MVP: variants seen among roughly 807,000 people sequenced by gnomAD.
The protein encoded by MVP is major vault protein, also known as lung resistance-related protein.
A neutral mutation model predicts 83.5 loss-of-function variants in MVP; 62 were observed. The observed-to-expected ratio is 0.74, with a 90% CI of 0.61 to 0.92. The LOEUF is 0.92. MVP is among the 40% of genes least tolerant of loss of function. The pLI, the probability that MVP is intolerant of heterozygous loss-of-function variation, is 0.00. For synonymous variants in MVP, 505 were observed against 504.1 expected (o/e 1.00, Z -0.02); for missense variants, 1,000 against 1,203.4 (o/e 0.83, Z 2.50).
At chr16:29,847,506 C>T (rs1002116732) in intron 14 of MVP, 121 bp downstream of exon 14, 3 of 1,025,984 alleles carry the variant, frequency 2.9e-6, no homozygotes, top group African/African-American at 1.6e-5. Context: ...GTGACCTGAC[C>T]CACGATGCAG....
intron 1 of MVP, among the ~76,000 whole-genome samples, chr16:29,822,093 T>G (rs8061634): frequency 0.17 from 26,160 of 151,232 alleles, 2,362 homozygotes; most frequent in African/African-American, 0.24. Flanking sequence ...TTTTGTTTTT[T>G]TTTTTTTTTT....
chr16:29,833,606 G>A (rs1325700755), intron 3 of MVP, 127 bp from the exon 4 acceptor site: 116 of 1,308,262 alleles, frequency 8.9e-5, no homozygotes, highest in South Asian at 8.5e-4. Flanking sequence ...CACTGTGCCC[G>A]GCCTCCACCC....
chr16:29,827,600 A>G (rs905598953), intron 1 of MVP, among the ~76,000 whole-genome samples: 3 of 152,144 alleles, frequency 2.0e-5, no homozygotes, highest in East Asian at 3.9e-4. Flanking sequence ...TATGGGATCA[A>G]CCAGCCATAT....
chr16:29,832,402 A>G (rs976461077), intron 3 of MVP, among the ~76,000 whole-genome samples: 47 of 148,530 alleles, frequency 3.2e-4, no homozygotes, highest in African/African-American at 1.2e-3. Context: ...GGTTCACGCA[A>G]TTCTCCTGCC....
At chr16:29,847,452 G>A (rs752426701) in intron 14 of MVP, 67 bp downstream of exon 14, 66 of 1,428,074 alleles carry the variant, frequency 4.6e-5, no homozygotes, top group African/African-American at 5.8e-5. Context: ...GAGCCAAGGC[G>A]GAAAACACAA....
rs1369752748 is a variant in MVP at position 29,835,771 on chromosome 16, G to A, written c.645G>A (p.Leu215=). The A allele has an allele frequency of 6.2e-7, 1 of 1,613,968 alleles. No homozygotes were observed. The highest frequency in any genetic ancestry group is 8.5e-7 in the Non-Finnish European group (1 of 1,179,990). ...CGGTGTTTGAGGAGGTTCTGGATTT[G>A]GTGGACGCCGTCATCCTTACGGAAA... ...LPAVFEEVLD[L]VDAVILTEKT... The change falls in exon 6 of 15, where the codon TTG becomes TTA. Residue 215 remains leucine, a synonymous_variant. Coordinates refer to ENST00000357402, the MANE Select transcript of MVP (RefSeq NM_005115.5).
chr16:29,846,931 A>G (rs182538236), intron 13 of MVP, among the ~76,000 whole-genome samples: 1 of 152,274 alleles, frequency 6.6e-6, no homozygotes, highest in Non-Finnish European at 1.5e-5. Flanking sequence ...TAACCCCAGC[A>G]CTTTGGAAAG....
chr16:29,836,961 G>A lies in MVP; in HGVS notation c.909+3G>A, dbSNP rs768995189. 23 of 1,608,060 alleles carry A rather than the reference G, an allele frequency of 1.4e-5. 1 individual carries two copies. The highest frequency in any genetic ancestry group is 1.3e-4 in the South Asian group (12 of 90,318). ...TGGGGCAGAAGCGCGTGGTCAAGGTGAGGTCCCTACACCCCCACAGAGGAC... is the reference window on the plus strand; with the variant it reads ...TGGGGCAGAAGCGCGTGGTCAAGGTAAGGTCCCTACACCCCCACAGAGGAC... On this transcript the variant is annotated splice_donor_region_variant and intron_variant, in intron 7 of 14. Coordinates refer to ENST00000357402, the MANE Select transcript of MVP (RefSeq NM_005115.5).
chr16:29,822,097 T>G (rs1205748148), intron 1 of MVP, among the ~76,000 whole-genome samples: 1 of 151,572 alleles, frequency 6.6e-6, no homozygotes, highest in Non-Finnish European at 1.5e-5. Context: ...GTTTTTTTTT[T>G]TTTTTTAAAG....
chr16:29,826,107 G>A (rs1380221171), intron 1 of MVP: 1 of 152,270 alleles, frequency 6.6e-6, no homozygotes, highest in East Asian at 1.9e-4. Context: ...GGAGCCCCCA[G>A]CACTGGTTAT....
intron 1 of MVP, among the ~76,000 whole-genome samples, chr16:29,822,283 C>T (rs986708630): frequency 4.7e-5 from 7 of 150,314 alleles, no homozygotes; most frequent in African/African-American, 1.5e-4. Context: ...GCTGGCTGAG[C>T]TGTTCTGTCT....
chr16:29,825,752 G>A (rs1310986881), intron 1 of MVP, among the ~76,000 whole-genome samples: 2 of 152,230 alleles, frequency 1.3e-5, no homozygotes, highest in Non-Finnish European at 2.9e-5. Flanking sequence ...TGGTGGAGAG[G>A]CCTCAGCTGT....
chr16:29,842,237 C>T, intron 10 of MVP, 125 bp downstream of exon 10: 1 of 937,722 alleles, frequency 1.1e-6, no homozygotes, highest in Non-Finnish European at 1.6e-6. Flanking sequence ...CCCCACTATA[C>T]TCCAGCCTGG....
Position 29,848,018 on chromosome 16 carries a change from G to A in MVP, c.*29G>A, listed in dbSNP as rs2067601373. 6.3e-7 allele frequency: 1 copy of A among 1,597,438 alleles called. No individual in the cohort carries two copies. The highest frequency in any genetic ancestry group is 2.2e-5 in the East Asian group (1 of 44,692). On this transcript the variant is annotated 3_prime_UTR_variant, in exon 15 of 15. Coordinates refer to ENST00000357402, the MANE Select transcript of MVP (RefSeq NM_005115.5). ...CTGATTAATACAATGGAAGTTTCTG[G>A]GCATTTACAATTTCAACACTTTTCT...
At chr16:29,843,862 T>A (rs1198157563) in intron 10 of MVP, among the ~76,000 whole-genome samples, 1 of 151,824 alleles carries the variant, frequency 6.6e-6, no homozygotes, top group Non-Finnish European at 1.5e-5. Context: ...ATCGAGCCAC[T>A]GCACTCCAGC....
Position 29,840,354 on chromosome 16 carries a change from C to T in MVP, c.1086C>T (p.Pro362=). The change falls in exon 8 of 15, where the codon CCC becomes CCT. Residue 362 remains proline, a synonymous_variant. Transcript: ENST00000357402. The stretch of plus-strand genomic sequence containing the variant: ...GGGACCACTGGCTCATCCGCGGACC[C>T]CTGGAGTATGTGCCATCTGCCAAAG... ...QAGDHWLIRG[P]LEYVPSAKVE... The T allele has an allele frequency of 6.2e-7, 1 of 1,607,294 alleles. No homozygotes were observed. The highest frequency in any genetic ancestry group is 1.7e-4 in the Middle Eastern group (1 of 6,056).
intron 1 of MVP, among the ~76,000 whole-genome samples, chr16:29,827,239 G>A (rs1310489687): frequency 2.0e-5 from 3 of 152,158 alleles, no homozygotes; most frequent in African/African-American, 7.2e-5. Context: ...ATGAGATCAA[G>A]GTCAGATCTC....
At chr16:29,840,560 T>A (rs891350318) in intron 8 of MVP, 101 bp downstream of exon 8, 9 of 1,364,088 alleles carry the variant, frequency 6.6e-6, no homozygotes, top group Non-Finnish European at 8.9e-6. Flanking sequence ...TTCAGCAGCA[T>A]GGAGAGCCAT....
At chr16:29,830,392 A>G in intron 1 of MVP, 123 bp from the exon 2 acceptor site, 1 of 740,144 alleles carries the variant, frequency 1.4e-6, no homozygotes, top group Middle Eastern at 3.6e-4. Context: ...CGGACAGGGA[A>G]GGGTGCAGTG....
Sources: gnomAD v4.1 joint callset for allele counts (sites outside exome capture counted in the v4.1 genomes callset) on GRCh38, gnomAD v4.1.1 for gene constraint, MANE v1.5 for transcripts, NCBI Gene and HGNC (gene_info 2026-07-23, HGNC 2026-07-21) for gene names.